The following CCDC148 variants were observed in gnomAD, a reference collection of about 807,000 sequenced individuals.
CCDC148 encodes coiled-coil domain-containing protein 148.
Under a neutral mutation model 85.7 loss-of-function variants are expected in CCDC148, and 89 were observed. The observed-to-expected ratio is 1.04, with a 90% CI of 0.87 to 1.24. CCDC148 has a LOEUF of 1.24. Among genes scored for constraint, CCDC148 ranks in the 50% most tolerant of loss-of-function variants. The pLI is 0.00. For missense variants in CCDC148, 692 were observed against 671.7 expected, an observed-to-expected ratio of 1.03 and a Z score of -0.33; for synonymous variants, 230 against 213.9, an observed-to-expected ratio of 1.08 and a Z score of -0.66.
At position 158,438,921 on chromosome 2, in the gene CCDC148, A is replaced by G. The variant is rs188253969; in HGVS notation, c.25+17494T>C. 9.9e-3 allele frequency among the ~76,000 whole-genome samples: 1,513 copies of G among 152,302 alleles called. 27 individuals are homozygous for G. Among genetic ancestry groups the G allele is most frequent in the African/African-American group, 0.034 (1,398 of 41,568 alleles). On this transcript the variant is annotated intron_variant, in intron 1 of 13. Coordinates refer to ENST00000283233, the MANE Select transcript of CCDC148 (RefSeq NM_138803.4). ...CAGAGAAATGCAAATCAAAACCACA[A>G]TGAGATACCATCTCATACTAGTTAG...
intron 1 of CCDC148, among the ~76,000 whole-genome samples, chr2:158,454,063 T>C (rs1267652095): frequency 6.6e-6 from 1 of 152,204 alleles, no homozygotes; most frequent in Admixed American, 6.5e-5. Flanking sequence ...CCATTCCAAC[T>C]TGGAGGCAAA....
intron 1 of CCDC148, among the ~76,000 whole-genome samples, chr2:158,379,781 A>C (rs1001177053): frequency 1.3e-5 from 2 of 152,130 alleles, no homozygotes; most frequent in Non-Finnish European, 2.9e-5. Context: ...AGATATGTAC[A>C]TTATTTTTTA....
At chr2:158,320,738 C>T (rs936108444) in intron 7 of CCDC148, among the ~76,000 whole-genome samples, 3 of 152,160 alleles carry the variant, frequency 2.0e-5, no homozygotes, top group South Asian at 4.1e-4. Context: ...TTTGATTTCA[C>T]ACCCAGTGAA....
chr2:158,304,572 T>C (rs879879629), intron 9 of CCDC148, among the ~76,000 whole-genome samples: 6 of 152,178 alleles, frequency 3.9e-5, no homozygotes, highest in Non-Finnish European at 8.8e-5. Context: ...CCCTTTACCA[T>C]TAGCCAGTGG....
At chr2:158,288,731 A>T in intron 9 of CCDC148, 1 of 400,816 alleles carries the variant, frequency 2.5e-6, no homozygotes, top group Non-Finnish European at 4.9e-6. Flanking sequence ...CCAGTTCCAA[A>T]GTCACTTCCA....
intron 1 of CCDC148, among the ~76,000 whole-genome samples, chr2:158,405,796 T>C (rs972195252): frequency 2.6e-5 from 4 of 152,170 alleles, no homozygotes; most frequent in African/African-American, 4.8e-5. Context: ...ATTAATTGCA[T>C]TTATTGGATA....
At chr2:158,386,713 TA>T (rs1390696453) in intron 1 of CCDC148, among the ~76,000 whole-genome samples, 1 of 152,110 alleles carries the variant, frequency 6.6e-6, no homozygotes, top group Non-Finnish European at 1.5e-5. Context: ...TCTTGATTTT[TA>T]AAAAAATCAA....
In CCDC148 at chr2:158,449,799, A is replaced by G. The variant is rs112695135; in HGVS notation, c.25+6616T>C. On this transcript the variant is annotated intron_variant, in intron 1 of 13. Coordinates refer to ENST00000283233, the MANE Select transcript of CCDC148 (RefSeq NM_138803.4). The stretch of plus-strand genomic sequence containing the variant: ...GGTACGTTCAAAGTGGTATGGCCAT[A>G]TACTTTATTCTCAGATTTAGAAGGA... 4.3e-3 allele frequency among the ~76,000 whole-genome samples: 654 copies of G among 152,250 alleles called. 6 individuals are homozygous for G. Among genetic ancestry groups the G allele is most frequent in the Non-Finnish European group, 3.7e-3 (253 of 68,016 alleles).
In CCDC148 at chr2:158,340,633, A is replaced by G. The variant is rs1682635947; in HGVS notation, c.299T>C (p.Ile100Thr). ...AAGGTCACAAAGACATTCATTTCCAATGTTCTCTTCATTGAGAAGGGATTT... is the reference window on the plus strand; with the variant it reads ...AAGGTCACAAAGACATTCATTTCCAGTGTTCTCTTCATTGAGAAGGGATTT... ...EIKSLLNEEN[I>T]GNECLCDLTN... The change falls in exon 4 of 14, where the codon ATT (isoleucine) becomes ACT (threonine). Residue 100 changes from isoleucine to threonine, a missense_variant. Ile to Thr is a moderately conservative substitution (Grantham distance 89). Coordinates refer to ENST00000283233, the MANE Select transcript of CCDC148 (RefSeq NM_138803.4). The G allele has an allele frequency of 1.3e-6, 2 of 1,592,024 alleles. No homozygotes were observed. The highest frequency in any genetic ancestry group is 1.7e-5 in the Admixed American group (1 of 58,404).
At chr2:158,381,204 A>G (rs1684855670) in intron 1 of CCDC148, among the ~76,000 whole-genome samples, 1 of 152,168 alleles carries the variant, frequency 6.6e-6, no homozygotes, top group Admixed American at 6.6e-5. Flanking sequence ...CATTTGCCAT[A>G]TATCTCTTCA....
chr2:158,343,922 T>C (rs574530858), intron 3 of CCDC148, among the ~76,000 whole-genome samples: 10 of 152,336 alleles, frequency 6.6e-5, no homozygotes, highest in Non-Finnish European at 1.3e-4. Context: ...CACTTCCATT[T>C]TCTTTGTGTC....
At chr2:158,333,244 G>T (rs1448932075) in intron 7 of CCDC148, among the ~76,000 whole-genome samples, 1 of 152,154 alleles carries the variant, frequency 6.6e-6, no homozygotes. Context: ...TGGTTTCAAA[G>T]AACTTATTTA....
At chr2:158,224,874 G>T (rs1378340263) in intron 10 of CCDC148, among the ~76,000 whole-genome samples, 3 of 152,004 alleles carry the variant, frequency 2.0e-5, no homozygotes, top group Non-Finnish European at 4.4e-5. Context: ...GACCATCGAG[G>T]CTAGGAAGAA....
At chr2:158,441,858 T>C (rs1335145235) in intron 1 of CCDC148, among the ~76,000 whole-genome samples, 2 of 152,198 alleles carry the variant, frequency 1.3e-5, no homozygotes, top group African/African-American at 4.8e-5. Flanking sequence ...TACCATTGAA[T>C]TTTAACTTTT....
At chr2:158,327,329 G>A (rs1033104408) in intron 7 of CCDC148, among the ~76,000 whole-genome samples, 3 of 152,096 alleles carry the variant, frequency 2.0e-5, no homozygotes. Context: ...AGTTGCAGAT[G>A]ATAAAAACTA....
chr2:158,251,289 G>A (rs1192867932), intron 9 of CCDC148, among the ~76,000 whole-genome samples: 1 of 151,558 alleles, frequency 6.6e-6, no homozygotes, highest in East Asian at 1.9e-4. Context: ...ATCCTAAAAT[G>A]CTTAAAAGTT....
chr2:158,371,963 T>C (rs181640019), intron 1 of CCDC148, among the ~76,000 whole-genome samples: 77 of 152,112 alleles, frequency 5.1e-4, no homozygotes, highest in Non-Finnish European at 3.4e-4. Flanking sequence ...ACCTTGCTAA[T>C]AAAATAATTC....
intron 1 of CCDC148, among the ~76,000 whole-genome samples, chr2:158,424,526 T>G (rs564348686): frequency 9.2e-5 from 14 of 151,838 alleles, no homozygotes; most frequent in Non-Finnish European, 2.1e-4. Flanking sequence ...ATGAGAACAC[T>G]TGGACACAGG....
intron 10 of CCDC148, among the ~76,000 whole-genome samples, chr2:158,239,331 T>A (rs1413192835): frequency 6.6e-6 from 1 of 150,738 alleles, no homozygotes; most frequent in Non-Finnish European, 1.5e-5. Flanking sequence ...CCCCTGGCTT[T>A]TTCTTAAAAC....
Sources: gnomAD v4.1 joint callset for allele counts (sites outside exome capture counted in the v4.1 genomes callset) on GRCh38, gnomAD v4.1.1 for gene constraint, MANE v1.5 for transcripts, NCBI Gene and HGNC (gene_info 2026-07-23, HGNC 2026-07-21) for gene names.